ATP6V0A2: variants seen among roughly 807,000 people sequenced by gnomAD.
ATP6V0A2 encodes the protein V-type proton ATPase 116 kDa subunit a 2.
Under a neutral mutation model 104.4 loss-of-function variants are expected in ATP6V0A2, and 58 were observed. The ratio of observed to expected loss-of-function variants is 0.56; its 90% confidence interval spans 0.45 to 0.69. ATP6V0A2 has a LOEUF of 0.69. Ranked by LOEUF, ATP6V0A2 falls within the 30% of genes least tolerant of loss-of-function variation. The pLI, the probability that ATP6V0A2 is intolerant of heterozygous loss-of-function variation, is 0.00. For synonymous variants in ATP6V0A2, 376 were observed against 397.9 expected (o/e 0.95, Z 0.65); for missense variants, 938 against 1,062.9 (o/e 0.88, Z 1.63).
intron 13 of ATP6V0A2, 118 bp downstream of exon 13, chr12:123,745,090 C>A: frequency 9.9e-7 from 1 of 1,013,534 alleles, no homozygotes; most frequent in Non-Finnish European, 1.5e-6. Context: ...GCGGGAGGTG[C>A]TCATTAGCCC....
intron 14 of ATP6V0A2, 46 bp from the exon 15 acceptor site, chr12:123,748,529 T>G (rs575094529): frequency 7.1e-7 from 1 of 1,414,730 alleles, no homozygotes; most frequent in East Asian, 2.3e-5. Context: ...CTTTTTAACT[T>G]AGGCTGATCT....
chr12:123,726,174 T>G (rs749195932), intron 4 of ATP6V0A2, 23 bp from the exon 5 acceptor site: 1 of 1,545,268 alleles, frequency 6.5e-7, no homozygotes, highest in South Asian at 1.1e-5. Context: ...GAGACACACT[T>G]GGTTTCATAT....
At position 123,756,976 on chromosome 12, in the gene ATP6V0A2, C is replaced by T. The variant is rs539507638; in HGVS notation, c.2455C>T (p.Arg819Cys). The T allele has an allele frequency of 3.7e-6, 6 of 1,614,194 alleles. No individual in the cohort carries two copies. The highest frequency in any genetic ancestry group is 1.7e-5 in the Admixed American group (1 of 60,026). Residue 819 changes from arginine (R) to cysteine (C), a missense_variant, in exon 19 of 20, where the codon CGC becomes TGC. By Grantham distance (180) the Arg-to-Cys change is radical. Transcript: ENST00000330342. The stretch of plus-strand genomic sequence containing the variant: ...GCTTTCTGCGTTTCTTCACGCCATA[C>T]GCCTCCACTGGTGAGTTTGAAACCT... ...EGLSAFLHAI[R>C]LHWVEFQNKF...
chr12:123,736,133 A>G (rs1956550924), intron 8 of ATP6V0A2, among the ~76,000 whole-genome samples: 1 of 151,148 alleles, frequency 6.6e-6, no homozygotes, highest in Non-Finnish European at 1.5e-5. Flanking sequence ...TCAGCCTCCT[A>G]AAGTGCTGGG....
intron 10 of ATP6V0A2, 29 bp downstream of exon 10, chr12:123,743,964 AT>A (rs1308540670): frequency 6.2e-7 from 1 of 1,613,464 alleles, no homozygotes; most frequent in Admixed American, 1.7e-5. Flanking sequence ...AAATACCCGT[AT>A]TTCCAATGGC....
chr12:123,746,812 T>A (rs1224117806), intron 13 of ATP6V0A2, among the ~76,000 whole-genome samples: 2 of 151,760 alleles, frequency 1.3e-5, no homozygotes, highest in Non-Finnish European at 2.9e-5. Flanking sequence ...CCAGGCATGC[T>A]GGTCCAGCTA....
intron 3 of ATP6V0A2, among the ~76,000 whole-genome samples, chr12:123,722,792 AC>A (rs1956412628): frequency 6.6e-6 from 1 of 152,108 alleles, no homozygotes; most frequent in South Asian, 2.1e-4. Context: ...TCCCAGGGTC[AC>A]CCATGCCTTA....
chr12:123,717,323 A>C (rs1956352650), intron 1 of ATP6V0A2, among the ~76,000 whole-genome samples: 1 of 151,548 alleles, frequency 6.6e-6, no homozygotes, highest in South Asian at 2.1e-4. Flanking sequence ...TCAAAAAAAA[A>C]AAAAAAAAAA....
intron 7 of ATP6V0A2, among the ~76,000 whole-genome samples, chr12:123,734,558 T>C (rs921394952): frequency 2.0e-5 from 3 of 152,224 alleles, no homozygotes; most frequent in African/African-American, 7.2e-5. Flanking sequence ...CTAAATGAAA[T>C]GATCAGGTAA....
intron 8 of ATP6V0A2, among the ~76,000 whole-genome samples, chr12:123,735,886 T>C (rs1186825131): frequency 6.6e-6 from 1 of 152,146 alleles, no homozygotes; most frequent in East Asian, 1.9e-4. Flanking sequence ...TCATTTTTCT[T>C]TTTCAGACAG....
intron 7 of ATP6V0A2, among the ~76,000 whole-genome samples, chr12:123,735,151 GTGT>G (rs1956538984): frequency 6.6e-6 from 1 of 150,814 alleles, no homozygotes; most frequent in African/African-American, 2.4e-5. Context: ...TCGTGTGTGT[GTGT>G]GTGTGTGTGT....
Position 123,744,756 on chromosome 12 carries a change from G to A in ATP6V0A2, c.1486G>A (p.Ala496Thr), listed in dbSNP as rs143142641. The A allele has an allele frequency of 7.5e-4, 1,205 of 1,614,146 alleles. 13 individuals are homozygous for A. The highest frequency in any genetic ancestry group is 6.6e-3 in the South Asian group (603 of 91,078). Residue 496 changes from alanine to threonine, a missense_variant, in exon 12 of 20, where the codon GCA becomes ACA. By Grantham distance (58) the Ala-to-Thr change is moderately conservative. Coordinates refer to ENST00000330342, the MANE Select transcript of ATP6V0A2 (RefSeq NM_012463.4). This position sits in a 1 kb window ranked among gnomAD's most constrained non-coding sequence, Gnocchi z 5.4. ...SAMYSSSHPP[A>T]EHKKMVLWND... ...CATGTACAGCTCCAGCCACCCACCC[G>A]CAGAGCATAAGAAGATGGTGCTTTG...
chr12:123,759,440 A>G lies in ATP6V0A2; in HGVS notation c.*1408A>G, dbSNP rs1343314979. ...CATTGTTTTATAATCTTTAGTTTAA[A>G]TTCATCTGTTTGACATTTGGTTTTT... On this transcript the variant is annotated 3_prime_UTR_variant, in exon 20 of 20. Transcript: ENST00000330342. The G allele has an allele frequency of 6.6e-6, 1 of 152,208 alleles. No homozygotes were observed. Among genetic ancestry groups the G allele is most frequent in the Non-Finnish European group, 1.5e-5 (1 of 68,018 alleles). 9.4% of individuals were successfully genotyped at this position (152,208 alleles called of 1,614,324 possible).
intron 9 of ATP6V0A2, among the ~76,000 whole-genome samples, chr12:123,740,539 T>G (rs915436993): frequency 1.3e-5 from 2 of 152,230 alleles, no homozygotes; most frequent in Admixed American, 1.3e-4. Context: ...GTGGTCTTTC[T>G]GTATGTTCTT....
chr12:123,712,805 C>A, intron 1 of ATP6V0A2, 123 bp downstream of exon 1: 1 of 876,670 alleles, frequency 1.1e-6, no homozygotes, highest in Non-Finnish European at 1.8e-6. Flanking sequence ...ATTGTCCAGA[C>A]GGGGAAGATG....
chr12:123,715,110 ATGG>A (rs1956327725), intron 1 of ATP6V0A2, among the ~76,000 whole-genome samples: 1 of 152,222 alleles, frequency 6.6e-6, no homozygotes, highest in Non-Finnish European at 1.5e-5. Context: ...TAAGCTGGTG[ATGG>A]TGGTGTATGT....
Position 123,747,645 on chromosome 12 carries a change from C to T in ATP6V0A2, c.1644C>T (p.Asn548=), listed in dbSNP as rs553756926. 3 of 1,613,794 alleles carry T rather than the reference C, an allele frequency of 1.9e-6. No individual in the cohort carries two copies. The highest frequency in any genetic ancestry group is 2.5e-6 in the Non-Finnish European group (3 of 1,179,660). The part of the protein sequence containing the change: ...NLATNRLTFL[N]SFKMKMSVIL... ...CCACAAATCGCCTCACTTTTCTAAA[C>T]TCTTTCAAAATGAAAATGTCCGTGA... Residue 548 remains asparagine, a synonymous_variant, in exon 14 of 20, where the codon AAC becomes AAT. Coordinates refer to ENST00000330342, the MANE Select transcript of ATP6V0A2 (RefSeq NM_012463.4).
chr12:123,728,024 G>A (rs1007053916), intron 6 of ATP6V0A2, 115 bp downstream of exon 6: 1 of 1,373,862 alleles, frequency 7.3e-7, no homozygotes, highest in Admixed American at 1.9e-5. Context: ...TTAACCTGAT[G>A]CCTTATCTCT....
chr12:123,755,444 G>A (rs1197718774), intron 18 of ATP6V0A2, among the ~76,000 whole-genome samples: 1 of 151,164 alleles, frequency 6.6e-6, no homozygotes, highest in Non-Finnish European at 1.5e-5. Context: ...GCTGAGGCAG[G>A]AGAATTGATT....
Sources: gnomAD v4.1 joint callset for allele counts (sites outside exome capture counted in the v4.1 genomes callset) on GRCh38, gnomAD v4.1.1 for gene constraint, Gnocchi (gnomAD v3.1) non-coding constraint, MANE v1.5 for transcripts, NCBI Gene and HGNC (gene_info 2026-07-23, HGNC 2026-07-21) for gene names.